CSMD1: variants seen among roughly 807,000 people sequenced by gnomAD.
The protein encoded by CSMD1 is CUB and sushi domain-containing protein 1.
Under a neutral mutation model 417.5 loss-of-function variants are expected in CSMD1, and 213 were observed. That is an observed-to-expected ratio of 0.51 (90% CI 0.46 to 0.57). CSMD1 has a LOEUF of 0.57. Among genes scored for constraint, CSMD1 ranks in the 20% least tolerant of loss-of-function variants. The probability of loss-of-function intolerance (pLI) is 0.00; values close to 1 mark genes in which losing one functional copy is unlikely to be tolerated. For synonymous variants in CSMD1, 2,862 were observed against 1,736.8 expected, an observed-to-expected ratio of 1.65 and a Z score of -16.11; for missense variants, 6,923 against 4,529.7, an observed-to-expected ratio of 1.53 and a Z score of -15.17.
intron 2 of CSMD1, among the ~76,000 whole-genome samples, chr8:4,607,183 T>C (rs1319083667): frequency 2.0e-5 from 3 of 152,142 alleles, no homozygotes; most frequent in African/African-American, 7.2e-5. Context: ...AAGGAACTAA[T>C]TGATAGTGTC....
At chr8:4,489,611 G>A (rs1801595943) in intron 2 of CSMD1, among the ~76,000 whole-genome samples, 1 of 152,122 alleles carries the variant, frequency 6.6e-6, no homozygotes, top group Non-Finnish European at 1.5e-5. Context: ...CTTTAGTGTG[G>A]CATGGCCTGT....
At chr8:4,154,077 A>G (rs1796705009) in intron 3 of CSMD1, among the ~76,000 whole-genome samples, 1 of 152,212 alleles carries the variant, frequency 6.6e-6, no homozygotes, top group South Asian at 2.1e-4. Flanking sequence ...ATAAATTGGA[A>G]GAAACACTGA....
intron 2 of CSMD1, among the ~76,000 whole-genome samples, chr8:4,576,993 T>C (rs930046667): frequency 6.6e-6 from 1 of 152,234 alleles, no homozygotes; most frequent in East Asian, 1.9e-4. Context: ...AGTGTGATTC[T>C]ATCTCCATGG....
At chr8:4,807,430 T>A (rs1483175638) in intron 1 of CSMD1, among the ~76,000 whole-genome samples, 3 of 152,032 alleles carry the variant, frequency 2.0e-5, no homozygotes, top group Non-Finnish European at 2.9e-5. Flanking sequence ...CTCACAAAAA[T>A]GAAAGACTCA....
intron 3 of CSMD1, among the ~76,000 whole-genome samples, chr8:4,055,779 G>T (rs917121267): frequency 6.6e-6 from 1 of 151,986 alleles, no homozygotes; most frequent in South Asian, 2.1e-4. Flanking sequence ...AAACAAACAA[G>T]ACTCTTCAGC....
chr8:4,391,333 C>T (rs185188645), intron 3 of CSMD1, among the ~76,000 whole-genome samples: 29 of 152,304 alleles, frequency 1.9e-4, no homozygotes, highest in Non-Finnish European at 3.7e-4. Context: ...CTTCTCATCC[C>T]TTGACTGAGC....
At chr8:3,851,023 A>G (rs1585090064) in intron 5 of CSMD1, among the ~76,000 whole-genome samples, 1 of 152,260 alleles carries the variant, frequency 6.6e-6, no homozygotes, top group African/African-American at 2.4e-5. Flanking sequence ...TTTTTCCTGC[A>G]GTGATGCTCA....
intron 1 of CSMD1, among the ~76,000 whole-genome samples, chr8:4,775,898 A>G (rs1796829885): frequency 6.6e-6 from 1 of 152,206 alleles, no homozygotes; most frequent in Non-Finnish European, 1.5e-5. Flanking sequence ...GAGAGAGGAC[A>G]AGTTAGGGAG....
At chr8:2,943,568 G>A (rs866619770) in intron 68 of CSMD1, among the ~76,000 whole-genome samples, 1 of 152,168 alleles carries the variant, frequency 6.6e-6, no homozygotes, top group Non-Finnish European at 1.5e-5. Flanking sequence ...AGGCAAATGT[G>A]AATACTTCAA....
chr8:3,854,498 G>C (rs375466666), intron 5 of CSMD1, among the ~76,000 whole-genome samples: 6 of 152,240 alleles, frequency 3.9e-5, no homozygotes, highest in African/African-American at 1.4e-4. Context: ...TTGAGATACA[G>C]ATAATACAGG....
At chr8:3,658,575 G>C (rs922388258) in intron 7 of CSMD1, among the ~76,000 whole-genome samples, 7 of 151,660 alleles carry the variant, frequency 4.6e-5, no homozygotes, top group East Asian at 3.9e-4. Context: ...TTGAGGTCAG[G>C]AGTTTGAGAC....
chr8:4,811,228 G>C lies in CSMD1; in HGVS notation c.86-173670C>G, dbSNP rs531425969. On this transcript the variant is annotated intron_variant, in intron 1 of 69. Coordinates refer to ENST00000635120, the MANE Select transcript of CSMD1 (RefSeq NM_033225.6). ...TGGTGAATCACGAGGTTCAACAAGA[G>C]AACTGAAGACAATTCAATTTTATTG... Among the ~76,000 whole-genome samples the C allele has an allele frequency of 1.2e-4, 18 of 152,186 alleles. No individual in the cohort carries two copies. The South Asian group carries it at 3.3e-3, about 28-fold the overall frequency.
intron 3 of CSMD1, among the ~76,000 whole-genome samples, chr8:4,077,297 GTATA>G (rs200304943): frequency 0.04 from 4,794 of 121,220 alleles, 181 homozygotes; most frequent in African/African-American, 0.092. Flanking sequence ...ATATATATGT[GTATA>G]TATATATATA....
At chr8:4,073,624 G>A (rs7814954) in intron 3 of CSMD1, among the ~76,000 whole-genome samples, 1 of 151,960 alleles carries the variant, frequency 6.6e-6, no homozygotes, top group Admixed American at 6.6e-5. Flanking sequence ...AAAATGAATT[G>A]AATTTTAATG....
chr8:3,654,641 G>C (rs927449736), intron 7 of CSMD1, among the ~76,000 whole-genome samples: 2 of 152,196 alleles, frequency 1.3e-5, no homozygotes, highest in Admixed American at 6.5e-5. Context: ...GATTTGCTAG[G>C]TGTGAGAGCT....
At chr8:4,692,607 C>A (rs1425428789) in intron 1 of CSMD1, among the ~76,000 whole-genome samples, 1 of 152,132 alleles carries the variant, frequency 6.6e-6, no homozygotes, top group South Asian at 2.1e-4. Context: ...ATTCTGCAGG[C>A]AAAGCCATGT....
intron 3 of CSMD1, among the ~76,000 whole-genome samples, chr8:4,410,347 G>C (rs1378236494): frequency 3.3e-5 from 5 of 152,170 alleles, no homozygotes; most frequent in Non-Finnish European, 7.3e-5. Flanking sequence ...TAGTGACTGG[G>C]AAACTGCATG....
chr8:3,743,431 T>C (rs985956627), intron 6 of CSMD1, among the ~76,000 whole-genome samples: 22 of 152,192 alleles, frequency 1.4e-4, no homozygotes, highest in African/African-American at 5.3e-4. Context: ...TGTTAGAAAA[T>C]AATAAGTATT....
intron 50 of CSMD1, among the ~76,000 whole-genome samples, chr8:3,042,207 C>T (rs1395950587): frequency 6.6e-6 from 1 of 152,106 alleles, no homozygotes; most frequent in Non-Finnish European, 1.5e-5. Flanking sequence ...CTATTTCTTC[C>T]AAGCATGTAG....
Sources: allele counts gnomAD v4.1 joint callset (sites outside exome capture counted in the v4.1 genomes callset), GRCh38; gene constraint gnomAD v4.1.1; transcripts MANE v1.5; gene names NCBI Gene and HGNC (gene_info 2026-07-23, HGNC 2026-07-21).